The following NSUN6 variants were observed in gnomAD, a reference collection of about 807,000 sequenced individuals.
The protein encoded by NSUN6 is NOP2/Sun RNA methyltransferase 6, also known as tRNA (cytosine(72)-C(5))-methyltransferase NSUN6.
Under a neutral mutation model 58.0 loss-of-function variants are expected in NSUN6, and 64 were observed. The ratio of observed to expected loss-of-function variants is 1.10; its 90% CI spans 0.90 to 1.36. The LOEUF is 1.36. Among genes scored for constraint, NSUN6 ranks in the 40% most tolerant of loss-of-function variants. The pLI is 0.00. For missense variants in NSUN6, 701 were observed against 550.1 expected (o/e 1.27, Z -2.74); for synonymous variants, 231 against 193.9 (o/e 1.19, Z -1.59).
At chr10:18,626,949 C>T (rs1439262326) in intron 3 of NSUN6, among the ~76,000 whole-genome samples, 2 of 152,144 alleles carry the variant, frequency 1.3e-5, no homozygotes, top group Non-Finnish European at 2.9e-5. Context: ...GGGAGGAGCA[C>T]GAATTGAGAG....
At chr10:18,596,434 C>T in intron 6 of NSUN6, 107 bp from the exon 7 acceptor site, 1 of 665,508 alleles carries the variant, frequency 1.5e-6, no homozygotes, top group Non-Finnish European at 2.6e-6. Context: ...ACAGCATCCT[C>T]ACGTCTGCTA....
intron 7 of NSUN6, among the ~76,000 whole-genome samples, chr10:18,593,970 C>T (rs1415727332): frequency 1.3e-5 from 2 of 151,690 alleles, no homozygotes; most frequent in Non-Finnish European, 2.9e-5. Context: ...GAGGCCGGGG[C>T]AGGCAGATCA....
rs762419862 is a variant in NSUN6, at chr10:18,648,509, A to T, written c.212T>A (p.Leu71Ter). The T allele has an allele frequency of 3.7e-6, 6 of 1,601,990 alleles. No individual in the cohort carries two copies. The East Asian group carries it at 1.1e-4, about 30-fold the overall frequency. ...ACAAACCTTCTGAAGTTCATCAAGT[A>T]ACAGATTTTTCACATGTTGTACTGA... Reference protein sequence around the residue: ...LASVQHVKNLLLDELQKQFNG... With the variant: ...LASVQHVKNL Residue 71 changes from leucine to a stop codon, truncating the protein, a stop_gained, in exon 2 of 11, where the codon TTA becomes TAA. Transcript: ENST00000377304. LOFTEE classifies it high-confidence loss of function.
intron 6 of NSUN6, among the ~76,000 whole-genome samples, chr10:18,609,232 G>C (rs967049349): frequency 6.6e-6 from 1 of 152,094 alleles, no homozygotes; most frequent in African/African-American, 2.4e-5. Flanking sequence ...GATCGCTTGA[G>C]CCCAGGAGTT....
Position 18,578,231 on chromosome 10 carries a change from AT to A in NSUN6, c.922+7717del, listed in dbSNP as rs71402184. ...TCCATGGAGCCTCTTCTCTAAGCCTATTTTTTTTTTTTTTTTTTTGAGATGG... is the reference window on the plus strand; with the variant it reads ...TCCATGGAGCCTCTTCTCTAAGCCTATTTTTTTTTTTTTTTTTTGAGATGG... On this transcript the variant is annotated intron_variant, in intron 8 of 10. Transcript: ENST00000377304. Among the ~76,000 whole-genome samples the A allele has an allele frequency of 4.5e-3, 542 of 121,126 alleles. 2 individuals are homozygous for A. Among genetic ancestry groups the A allele is most frequent in the African/African-American group, 0.013 (394 of 30,934 alleles). The allele number at this position is 121,126 out of a possible 152,430, so 79.5% of individuals were successfully genotyped here. A position where few individuals can be genotyped will look rare whatever the true frequency, so the allele number is the denominator to read the frequency against.
intron 5 of NSUN6, among the ~76,000 whole-genome samples, 197 bp from the exon 6 acceptor site, chr10:18,610,123 C>A (rs1358853004): frequency 6.6e-6 from 1 of 152,000 alleles, no homozygotes; most frequent in African/African-American, 2.4e-5. Flanking sequence ...AGTTCAAGAC[C>A]AGCCCGACCA....
intron 8 of NSUN6, among the ~76,000 whole-genome samples, chr10:18,554,941 GAATGGAATGA>G (rs1388843640): frequency 7.7e-4 from 117 of 151,520 alleles, no homozygotes; most frequent in African/African-American, 2.8e-3. Context: ...GAATGGAATG[GAATGGAATGA>G]AATGAAATGG....
At chr10:18,628,345 C>T (rs974475226) in intron 3 of NSUN6, among the ~76,000 whole-genome samples, 6 of 152,144 alleles carry the variant, frequency 3.9e-5, no homozygotes, top group African/African-American at 7.2e-5. Flanking sequence ...AAAAGCAGAG[C>T]ACCTCTCCTC....
intron 3 of NSUN6, among the ~76,000 whole-genome samples, chr10:18,627,445 T>G (rs1053893965): frequency 1.2e-4 from 18 of 152,232 alleles, no homozygotes; most frequent in African/African-American, 3.1e-4. Flanking sequence ...GGTCTACAGC[T>G]CCCAGCGTGA....
At chr10:18,644,850 C>CAA (rs1233199981) in intron 2 of NSUN6, among the ~76,000 whole-genome samples, 1 of 111,588 alleles carries the variant, frequency 9.0e-6, no homozygotes. Flanking sequence ...AAAAAAAAAA[C>CAA]AAAAAAAAAA....
At chr10:18,565,794 T>C (rs569287411) in intron 8 of NSUN6, among the ~76,000 whole-genome samples, 167 of 151,256 alleles carry the variant, frequency 1.1e-3, no homozygotes, top group African/African-American at 3.9e-3. Context: ...CATTCTCCAC[T>C]CCATTCCTTT....
chr10:18,593,185 T>C (rs1344224446), intron 7 of NSUN6, among the ~76,000 whole-genome samples: 2 of 152,076 alleles, frequency 1.3e-5, no homozygotes, highest in Admixed American at 6.5e-5. Flanking sequence ...TGAATGGCGA[T>C]TAAAAAGTCA....
At chr10:18,587,885 T>C (rs981695812) in intron 7 of NSUN6, among the ~76,000 whole-genome samples, 2 of 152,120 alleles carry the variant, frequency 1.3e-5, no homozygotes, top group Non-Finnish European at 2.9e-5. Flanking sequence ...GTAGTTTTTT[T>C]TTTTGTACCT....
chr10:18,600,959 T>TATATATATATATATATATATATATACAC, intron 6 of NSUN6, among the ~76,000 whole-genome samples: 34 of 64,944 alleles, frequency 5.2e-4, no homozygotes, highest in Admixed American at 1.1e-3. Context: ...TATATATATA[T>TATATATATATATATATATATATATACAC]ACATATATAT....
At chr10:18,549,167 C>A (rs536856781) in intron 9 of NSUN6, among the ~76,000 whole-genome samples, 20 of 152,288 alleles carry the variant, frequency 1.3e-4, no homozygotes, top group Admixed American at 1.2e-3. Context: ...CTTACATGAT[C>A]ACTTAGAGTC....
At chr10:18,550,936 G>A (rs1161963783) in intron 9 of NSUN6, among the ~76,000 whole-genome samples, 1 of 152,002 alleles carries the variant, frequency 6.6e-6, no homozygotes, top group Non-Finnish European at 1.5e-5. Context: ...ATGTTGGCCA[G>A]GCTGGTCTCG....
At chr10:18,609,224 T>C (rs951558937) in intron 6 of NSUN6, among the ~76,000 whole-genome samples, 1 of 152,104 alleles carries the variant, frequency 6.6e-6, no homozygotes, top group Non-Finnish European at 1.5e-5. Context: ...GGCAGGAAGA[T>C]CGCTTGAGCC....
At chr10:18,578,068 T>C (rs535269951) in intron 8 of NSUN6, among the ~76,000 whole-genome samples, 1 of 152,116 alleles carries the variant, frequency 6.6e-6, no homozygotes, top group Non-Finnish European at 1.5e-5. Context: ...AATTGTATAT[T>C]CGAGTGCTAT....
At position 18,596,222 on chromosome 10, in the gene NSUN6, G is replaced by C. The variant is rs2057579885; in HGVS notation, c.763C>G (p.Leu255Val). The change falls in exon 7 of 11, where the codon CTA becomes GTA. Residue 255 changes from leucine to valine, a missense_variant. By Grantham distance (32) the Leu-to-Val change is conservative (BLOSUM62 1). Coordinates refer to ENST00000377304, the MANE Select transcript of NSUN6 (RefSeq NM_182543.5). ...GACAGTCTCACCTGATCATGCATTA[G>C]TGCTGCAATGTGTGTTGTTTTCCCT... ...PGGKTTHIAALMHDQGEVIAL... is the reference protein window; with the variant it reads ...PGGKTTHIAAVMHDQGEVIAL... 6.2e-7 allele frequency: 1 copy of C among 1,611,256 alleles called. No individual in the cohort carries two copies. Among genetic ancestry groups the C allele is most frequent in the Non-Finnish European group, 8.5e-7 (1 of 1,177,388 alleles).
Sources: allele counts gnomAD v4.1 joint callset (sites outside exome capture counted in the v4.1 genomes callset), GRCh38; gene constraint gnomAD v4.1.1; transcripts MANE v1.5; gene names NCBI Gene and HGNC (gene_info 2026-07-23, HGNC 2026-07-21).